The following GPAA1 variants were observed in gnomAD, a reference collection of about 807,000 sequenced individuals.
GPAA1 encodes the protein GPI-anchor transamidase component GPAA1.
GPAA1 carries 54 observed loss-of-function variants against 64.0 expected under a neutral mutation model. The observed-to-expected ratio is 0.84, with a 90% CI of 0.68 to 1.06. The LOEUF is 1.06. Among genes scored for constraint, GPAA1 ranks in the 50% least tolerant of loss-of-function variants. The pLI, the probability that GPAA1 is intolerant of heterozygous loss-of-function variation, is 0.00. For synonymous variants in GPAA1, 393 were observed against 377.3 expected (o/e 1.04, Z -0.48); for missense variants, 780 against 822.3 (o/e 0.95, Z 0.63).
chr8:144,086,135 G>T lies in GPAA1; in HGVS notation c.*10G>T, dbSNP rs781869509. 10 of 1,608,526 alleles carry T rather than the reference G, an allele frequency of 6.2e-6. 1 individual carries two copies. The South Asian group carries it at 1.1e-4, about 18-fold the overall frequency. On this transcript the variant is annotated 3_prime_UTR_variant, in exon 12 of 12. Transcript: ENST00000355091. ...GCTCTTCTGGAAGTGAGATCTGCCT[G>T]TCCGGGCTGGGACAGAGACTCCCCA...
chr8:144,084,709 C>T lies in GPAA1; in HGVS notation c.1011-13C>T. The T allele has an allele frequency of 3.7e-6, 6 of 1,613,368 alleles. No individual in the cohort carries two copies. The highest frequency in any genetic ancestry group is 5.1e-6 in the Non-Finnish European group (6 of 1,179,726). Reference sequence around the variant, plus strand: ...GGCTCTGGCCAGCCGTGAACCTGCCCCACACCTGACAGGGCTTTGGAGGGC... The same window carrying T: ...GGCTCTGGCCAGCCGTGAACCTGCCTCACACCTGACAGGGCTTTGGAGGGC... On this transcript the variant is annotated splice_polypyrimidine_tract_variant and intron_variant, in intron 7 of 11. Transcript: ENST00000355091.
At position 144,083,190 on chromosome 8, in the gene GPAA1, C is replaced by G. The variant is rs2129938426; in HGVS notation, c.141C>G (p.Arg47=). ...TGGTTTTCCCGCCGCTGACCCAGCG[C>G]ACTTACATGTCGGAGAACGCCATGG... ...LALVFPPLTQ[R]TYMSENAMGS... is the part of the protein sequence containing the mutation. The change falls in exon 2 of 12, where the codon CGC becomes CGG. Residue 47 remains arginine (R), a synonymous_variant. Coordinates refer to ENST00000355091, the MANE Select transcript of GPAA1 (RefSeq NM_003801.4). The G allele has an allele frequency of 6.2e-7, 1 of 1,613,096 alleles. No homozygotes were observed.
chr8:144,084,898 T>G (rs367573617), intron 8 of GPAA1, 23 bp downstream of exon 8: 11 of 1,612,250 alleles, frequency 6.8e-6, no homozygotes, highest in Non-Finnish European at 9.3e-6. Flanking sequence ...CCTTGCCATC[T>G]ACCTGTGACC....
At position 144,086,071 on chromosome 8, in the gene GPAA1, C is replaced by G; in HGVS notation, c.1812C>G (p.Ser604=). ...TYGALLFPLL[S]LGLYPCWLLF... ...GCGCCCTGCTCTTCCCACTGCTGTC[C>G]CTGGGCCTCTACCCCTGCTGGCTGC... Residue 604 remains serine (S), a synonymous_variant, in exon 12 of 12, where the codon TCC becomes TCG. Transcript: ENST00000355091. 6.2e-7 allele frequency: 1 copy of G among 1,613,556 alleles called. No individual in the cohort carries two copies. Among genetic ancestry groups the G allele is most frequent in the Non-Finnish European group, 8.5e-7 (1 of 1,179,918 alleles).
At position 144,084,757 on chromosome 8, in the gene GPAA1, T is replaced by A; in HGVS notation, c.1046T>A (p.Leu349His). 6.2e-7 allele frequency: 1 copy of A among 1,613,870 alleles called. No homozygotes were observed. The highest frequency in any genetic ancestry group is 1.1e-5 in the South Asian group (1 of 91,082). The change falls in exon 8 of 12, where the codon CTC (leucine) becomes CAC (histidine). Residue 349 changes from leucine to histidine, a missense_variant. By Grantham distance (99) the Leu-to-His change is moderately conservative. Coordinates refer to ENST00000355091, the MANE Select transcript of GPAA1 (RefSeq NM_003801.4). ...LEGMFRKLNH[L>H]LERLHQSFFL... ...GGCATGTTCCGCAAGCTCAACCACC[T>A]CCTGGAGCGCCTGCACCAGTCCTTC...
Position 144,084,859 on chromosome 8 carries a change from T to C in GPAA1, c.1148T>C (p.Leu383Pro). The C allele has an allele frequency of 3.7e-6, 6 of 1,613,598 alleles. No homozygotes were observed. Among genetic ancestry groups the C allele is most frequent in the Non-Finnish European group, 5.1e-6 (6 of 1,180,010 alleles). ...ATGCCCGCTGTCGGCTTCTTGCTCC[T>C]GGTCCTTGGTCTCAAGATATCCTCT... ...LYMPAVGFLL[L>P]VLGLKALELW... is the part of the protein sequence containing the mutation. Residue 383 changes from leucine to proline, a missense_variant, in exon 8 of 12, where the codon CTG becomes CCG. Physicochemically the swap from Leu to Pro is moderately conservative, Grantham distance 98 (BLOSUM62 -3). Coordinates refer to ENST00000355091, the MANE Select transcript of GPAA1 (RefSeq NM_003801.4).
In GPAA1 at chr8:144,082,982, C is replaced by T. The variant is rs1835933103; in HGVS notation, c.75-142C>T. The T allele has an allele frequency of 5.5e-6, 5 of 910,094 alleles. No individual in the cohort carries two copies. In the Admixed American group the frequency reaches 8.4e-5, roughly 15 times the overall value. 56.4% of individuals were successfully genotyped at this position (910,094 alleles called of 1,614,324 possible). A position where few individuals can be genotyped will look rare whatever the true frequency, so the allele number is the denominator to read the frequency against. ...GAGGGTATCAGGCCCAGGCTTAGGG[C>T]TCGGGTCCGGCGTCCCGATGCAGGA... is the stretch of plus-strand genomic sequence containing the variant. On this transcript the variant is annotated intron_variant, in intron 1 of 11. Transcript: ENST00000355091.
In GPAA1 at chr8:144,083,881, G is replaced by A. The variant is rs371416853; in HGVS notation, c.514+20G>A. The A allele has an allele frequency of 6.2e-7, 1 of 1,613,472 alleles. No individual in the cohort carries two copies. Among genetic ancestry groups the A allele is most frequent in the Non-Finnish European group, 8.5e-7 (1 of 1,180,038 alleles). ...TCCGGGGTGAGTCTCAGGGCTGCTG[G>A]CCGTGGAGGGGTTTGGTCAGTGCCC... is the stretch of plus-strand genomic sequence containing the variant. On this transcript the variant is annotated intron_variant, in intron 4 of 11. Transcript: ENST00000355091.
chr8:144,084,056 C>T lies in GPAA1; in HGVS notation c.616+16C>T, dbSNP rs149534924. The T allele has an allele frequency of 1.2e-4, 192 of 1,609,602 alleles. No individual in the cohort carries two copies. In the East Asian group the frequency reaches 4.2e-3, roughly 35 times the overall value. ...AATGTCACTGGTAGGTTCTCTTGTC[C>T]TGCCTGCCCTGGTCCCCCTCTCAGG... On this transcript the variant is annotated intron_variant, in intron 5 of 11. Coordinates refer to ENST00000355091, the MANE Select transcript of GPAA1 (RefSeq NM_003801.4).
At position 144,082,787 on chromosome 8, in the gene GPAA1, C is replaced by T. The variant is rs1175463881; in HGVS notation, c.57C>T (p.Arg19=). The T allele has an allele frequency of 3.4e-6, 5 of 1,465,834 alleles. No homozygotes were observed. Among genetic ancestry groups the T allele is most frequent in the South Asian group, 1.3e-5 (1 of 75,870 alleles). 90.8% of individuals were successfully genotyped at this position (1,465,834 alleles called of 1,614,324 possible). A position where few individuals can be genotyped will look rare whatever the true frequency, so the allele number is the denominator to read the frequency against. ...RRRALARLVL[R]LNAPLCVLSY... is the part of the protein sequence containing the mutation. ...GCGCGCTCGCCCGCCTAGTGCTGCG[C>T]CTCAACGCGCCGTTGTGGTGAGGAC... Residue 19 remains arginine, a synonymous_variant, in exon 1 of 12, where the codon CGC becomes CGT. Coordinates refer to ENST00000355091, the MANE Select transcript of GPAA1 (RefSeq NM_003801.4).
chr8:144,083,626 C>T, intron 3 of GPAA1, 88 bp from the exon 4 acceptor site: 2 of 1,436,514 alleles, frequency 1.4e-6, no homozygotes, highest in East Asian at 2.3e-5. Context: ...CCCTGGTGGG[C>T]ACTGGAGGGC....
Position 144,085,456 on chromosome 8 carries a change from G to GGCCCT in GPAA1, c.1433_1437dup (p.His480CysfsTer9), listed in dbSNP as rs1835981346. 6.2e-7 allele frequency: 1 copy of GGCCCT among 1,603,772 alleles called. No individual in the cohort carries two copies. The highest frequency in any genetic ancestry group is 8.5e-7 in the Non-Finnish European group (1 of 1,179,918). Reference sequence around the variant, plus strand: ...TGCTGGCGATTTATGCAGCTGGCCTGGCCCTGCCCCACAATACCCACCGGT... The same window carrying GGCCCT: ...TGCTGGCGATTTATGCAGCTGGCCTGGCCCTGCCCTGCCCCACAATACCCACCGGT... On this transcript the variant is annotated frameshift_variant, in exon 10 of 12. Coordinates refer to ENST00000355091, the MANE Select transcript of GPAA1 (RefSeq NM_003801.4). LOFTEE classifies it high-confidence loss of function.
Position 144,083,148 on chromosome 8 carries a change from C to G in GPAA1, c.99C>G (p.Ile33Met), listed in dbSNP as rs1554763752. Reference sequence around the variant, plus strand: ...GCGTGCTGAGCTACGTGGCGGGCATCGCCTGGTTCTTGGCGCTGGTTTTCC... The same window carrying G: ...GCGTGCTGAGCTACGTGGCGGGCATGGCCTGGTTCTTGGCGCTGGTTTTCC... ...PLCVLSYVAGIAWFLALVFPP... is the reference protein window; with the variant it reads ...PLCVLSYVAGMAWFLALVFPP... The change falls in exon 2 of 12, where the codon ATC becomes ATG. Residue 33 changes from isoleucine to methionine, a missense_variant. Transcript: ENST00000355091. The G allele has an allele frequency of 6.2e-7, 1 of 1,612,362 alleles. No homozygotes were observed. Among genetic ancestry groups the G allele is most frequent in the Non-Finnish European group, 8.5e-7 (1 of 1,179,818 alleles).
chr8:144,083,334 G>C (rs781952926), intron 2 of GPAA1, 31 bp downstream of exon 2: 45 of 1,611,526 alleles, frequency 2.8e-5, no homozygotes, highest in Non-Finnish European at 3.8e-5. Flanking sequence ...TATGGGGCGA[G>C]CAGTGGTGGC....
chr8:144,085,767 C>G, intron 11 of GPAA1, 24 bp downstream of exon 11: 1 of 1,608,924 alleles, frequency 6.2e-7, no homozygotes, highest in Non-Finnish European at 8.5e-7. Flanking sequence ...AGCCCCACTT[C>G]CCCCAATGCC....
chr8:144,083,283 C>T lies in GPAA1; in HGVS notation c.234C>T (p.Ala78=). 1 of 1,602,684 alleles carries T rather than the reference C, an allele frequency of 6.2e-7. No homozygotes were observed. The highest frequency in any genetic ancestry group is 1.7e-5 in the Admixed American group (1 of 59,086). The part of the protein sequence containing the change: ...DRARAFARDF[A]AHRKKSGALP... ...CCCGGGCTTTTGCCCGGGACTTCGC[C>T]GCCCACCGCAAGAAGTCGGGGTGAG... Residue 78 remains alanine, a synonymous_variant, in exon 2 of 12, where the codon GCC becomes GCT. Transcript: ENST00000355091.
At position 144,084,466 on chromosome 8, in the gene GPAA1, A is replaced by G. The variant is rs782658223; in HGVS notation, c.867A>G (p.Thr289=). ...SLDGPLQGLQ[T]LLLMVLRQAS... Reference sequence around the variant, plus strand: ...ATGGACCGCTGCAGGGCCTGCAGACACTGCTGCTCATGGTTCTGCGGCAGG... The same window carrying G: ...ATGGACCGCTGCAGGGCCTGCAGACGCTGCTGCTCATGGTTCTGCGGCAGG... Residue 289 remains threonine, a synonymous_variant, in exon 7 of 12, where the codon ACA becomes ACG. Transcript: ENST00000355091. 1.1e-5 allele frequency: 17 copies of G among 1,613,134 alleles called. No individual in the cohort carries two copies. The highest frequency in any genetic ancestry group is 1.4e-5 in the Non-Finnish European group (16 of 1,179,860).
In GPAA1 at chr8:144,085,343, C is replaced by T. The variant is rs1554764203; in HGVS notation, c.1315C>T (p.Leu439=). 1.9e-6 allele frequency: 3 copies of T among 1,610,448 alleles called. No homozygotes were observed. Among genetic ancestry groups the T allele is most frequent in the Non-Finnish European group, 2.5e-6 (3 of 1,179,734 alleles). Residue 439 remains leucine, a synonymous_variant, in exon 10 of 12, where the codon CTG becomes TTG. Transcript: ENST00000355091. ...APLLISQAMG[L]ALYVLPVLGQ... Reference sequence around the variant, plus strand: ...TCTGCTGATCTCACAGGCCATGGGACTGGCCCTCTATGTCCTGCCAGTGCT... The same window carrying T: ...TCTGCTGATCTCACAGGCCATGGGATTGGCCCTCTATGTCCTGCCAGTGCT...
In GPAA1 at chr8:144,084,868, G is replaced by A. The variant is rs782167375; in HGVS notation, c.1157G>A (p.Gly386Asp). 2.9e-5 allele frequency: 47 copies of A among 1,613,282 alleles called. No individual in the cohort carries two copies. The Admixed American group carries it at 7.8e-4, about 27-fold the overall frequency. The change falls in exon 8 of 12, where the codon GGT becomes GAT. Residue 386 changes from glycine (G) to aspartate (D), a missense_variant. Physicochemically the swap from Gly to Asp is moderately conservative, Grantham distance 94. Coordinates refer to ENST00000355091, the MANE Select transcript of GPAA1 (RefSeq NM_003801.4). ...PAVGFLLLVL[G>D]LKALELWMQL... ...GTCGGCTTCTTGCTCCTGGTCCTTG[G>A]TCTCAAGATATCCTCTGCCCCTTGC...
Sources: gnomAD v4.1 joint callset for allele counts on GRCh38, gnomAD v4.1.1 for gene constraint, MANE v1.5 for transcripts, NCBI Gene and HGNC (gene_info 2026-07-23, HGNC 2026-07-21) for gene names.